DNM1: variants seen among roughly 807,000 people sequenced by gnomAD.
DNM1 encodes dynamin-1.
DNM1 carries 29 observed loss-of-function variants against 104.6 expected under a neutral mutation model. That is an observed-to-expected ratio of 0.28 (90% CI 0.21 to 0.38). The LOEUF is 0.38. Ranked by LOEUF, DNM1 falls within the 10% of genes least tolerant of loss-of-function variation. The probability of loss-of-function intolerance (pLI) is 1.00; values close to 1 mark genes in which losing one functional copy is unlikely to be tolerated. For missense variants in DNM1, 640 were observed against 1,189.4 expected, an observed-to-expected ratio of 0.54 and a Z score of 6.79; for synonymous variants, 445 against 475.8, an observed-to-expected ratio of 0.94 and a Z score of 0.84.
At chr9:128,210,433 C>T (rs1487651930) in intron 1 of DNM1, among the ~76,000 whole-genome samples, 2 of 151,778 alleles carry the variant, frequency 1.3e-5, no homozygotes, top group Non-Finnish European at 2.9e-5. Context: ...ACAATCTCAG[C>T]TCACTGCAAC....
intron 1 of DNM1, among the ~76,000 whole-genome samples, chr9:128,205,179 C>T (rs1833854049): frequency 6.6e-6 from 1 of 152,310 alleles, no homozygotes; most frequent in East Asian, 1.9e-4. Context: ...AGACACACCA[C>T]GGGCCCCTTC....
rs1378049101 is a variant in DNM1 at position 128,254,625 on chromosome 9, T to C, written c.2535-29T>C. 2 of 1,595,310 alleles carry C rather than the reference T, an allele frequency of 1.3e-6. No homozygotes were observed. The highest frequency in any genetic ancestry group is 1.7e-6 in the Non-Finnish European group (2 of 1,179,180). On this transcript the variant is annotated intron_variant, in intron 21 of 21. Coordinates refer to ENST00000372923, the MANE Select transcript of DNM1 (RefSeq NM_004408.4). This position sits in a 1 kb window ranked among gnomAD's most constrained non-coding sequence, Gnocchi z 6.1. The stretch of plus-strand genomic sequence containing the variant: ...CTCTCTCCTCGCTTTTCTCTCCCGT[T>C]TTCTCTCTGCTTTCTCTCCAACTGC...
rs1392559715 is a variant in DNM1 at position 128,250,233 on chromosome 9, A to G, written c.2195A>G (p.Tyr732Cys). The G allele has an allele frequency of 6.2e-7, 1 of 1,614,134 alleles. No homozygotes were observed. The highest frequency in any genetic ancestry group is 8.5e-7 in the Non-Finnish European group (1 of 1,180,022). Reference sequence around the variant, plus strand: ...CGGCGCGACGAGATGCTGCGCATGTACCACGCACTGAAGGAGGCGCTCAGC... The same window carrying G: ...CGGCGCGACGAGATGCTGCGCATGTGCCACGCACTGAAGGAGGCGCTCAGC... Reference protein sequence around the residue: ...AQRRDEMLRMYHALKEALSII... With the variant: ...AQRRDEMLRMCHALKEALSII... The change falls in exon 20 of 22, where the codon TAC becomes TGC. Residue 732 changes from tyrosine (Y) to cysteine (C), a missense_variant. Around this residue, in one of 7 missense-constraint regions of DNM1, gnomAD observed 129 missense variants for 224.6 expected, o/e 0.57. Coordinates refer to ENST00000372923, the MANE Select transcript of DNM1 (RefSeq NM_004408.4).
intron 1 of DNM1, among the ~76,000 whole-genome samples, chr9:128,211,490 T>TA (rs1834296264): frequency 6.8e-6 from 1 of 147,104 alleles, no homozygotes; most frequent in African/African-American, 2.5e-5. Context: ...TTTTTTTTTT[T>TA]TTTTTTTTCT....
In DNM1 at chr9:128,239,459, C is replaced by T. The variant is rs141788807; in HGVS notation, c.1437C>T (p.Ile479=). Residue 479 remains isoleucine, a synonymous_variant, in exon 12 of 22, where the codon ATC becomes ATT. Transcript: ENST00000372923. ...TATCCTTGAAGGTCATGCTTCTCATCGATATCGAGCTGGCTTACATGAACA... is the reference window on the plus strand; with the variant it reads ...TATCCTTGAAGGTCATGCTTCTCATTGATATCGAGCTGGCTTACATGAACA... ...GRTKEQVMLL[I]DIELAYMNTN... is the part of the protein sequence containing the mutation. The T allele has an allele frequency of 6.8e-5, 110 of 1,613,844 alleles. 1 individual carries two copies. In the African/African-American group the frequency reaches 1.3e-3, roughly 20 times the overall value.
At position 128,220,993 on chromosome 9, in the gene DNM1, C is replaced by CCCTTCCTTCCTTCCTTCCTTCCTT. The variant is rs148599259; in HGVS notation, c.849+653_849+676dup. ...TTTCTTTCTCTTTCTTTCTTTCTTT[C>CCCTTCCTTCCTTCCTTCCTTCCTT]CCTTCCTTCCTTCCTTCCTTCCTTT... On this transcript the variant is annotated intron_variant, in intron 6 of 21. Coordinates refer to ENST00000372923, the MANE Select transcript of DNM1 (RefSeq NM_004408.4). The surrounding 1 kb of genome is among the most constrained non-coding windows in gnomAD (Gnocchi z 5.2). 1.2e-3 allele frequency: 150 copies of CCCTTCCTTCCTTCCTTCCTTCCTT among 126,072 alleles called. 1 individual carries two copies. The highest frequency in any genetic ancestry group is 4.8e-3 in the African/African-American group (146 of 30,292). 7.8% of individuals were successfully genotyped at this position (126,072 alleles called of 1,614,324 possible). A position where few individuals can be genotyped will look rare whatever the true frequency, so the allele number is the denominator to read the frequency against.
At position 128,224,380 on chromosome 9, in the gene DNM1, C is replaced by T; in HGVS notation, c.1326C>T (p.Cys442=). The change falls in exon 10 of 22, where the codon TGC becomes TGT. Residue 442 remains cysteine, a synonymous_variant. Transcript: ENST00000372923. This position sits in a 1 kb window ranked among gnomAD's most constrained non-coding sequence, Gnocchi z 4.3. ...AGCTAATCAGCACCGTTAGACAGTG[C>T]ACCAAGAAGGTAACCCGGAGGCCCG... is the stretch of plus-strand genomic sequence containing the variant. ...ISELISTVRQ[C]TKKLQQYPRL... The T allele has an allele frequency of 6.2e-7, 1 of 1,609,850 alleles. No homozygotes were observed. The highest frequency in any genetic ancestry group is 1.3e-5 in the African/African-American group (1 of 74,996).
chr9:128,233,768 G>C, intron 10 of DNM1: 2 of 553,628 alleles, frequency 3.6e-6, no homozygotes, highest in Non-Finnish European at 6.4e-6. Flanking sequence ...AAGTTGCCCA[G>C]GTAGGCCAGT....
At chr9:128,239,697 G>T in intron 12 of DNM1, 31 bp from the exon 13 acceptor site, 1 of 1,605,326 alleles carries the variant, frequency 6.2e-7, no homozygotes, top group Non-Finnish European at 8.5e-7. Flanking sequence ...CTCTTGAGAA[G>T]TTCTGAGACT....
At position 128,235,100 on chromosome 9, in the gene DNM1, A is replaced by G. The variant is rs1464827260; in HGVS notation, c.1422+993A>G. ...GAGCCACCGTGCCTGGCCTGTCTCT[A>G]TGAATTTGACTTTTCTAGGGACCTC... On this transcript the variant is annotated intron_variant, in intron 11 of 21. Coordinates refer to ENST00000372923, the MANE Select transcript of DNM1 (RefSeq NM_004408.4). Among the ~76,000 whole-genome samples the G allele has an allele frequency of 3.3e-5, 5 of 152,120 alleles. 1 individual carries two copies. The Middle Eastern group carries it at 0.014, about 414-fold the overall frequency.
At chr9:128,249,348 C>T (rs919851317) in intron 19 of DNM1, among the ~76,000 whole-genome samples, 6 of 151,320 alleles carry the variant, frequency 4.0e-5, no homozygotes, top group Admixed American at 1.3e-4. Context: ...TGTCTCTACA[C>T]AAAAATTTTA....
rs181270045 is a variant in DNM1, at chr9:128,243,252, T to C, written c.1671+907T>C. Among the ~76,000 whole-genome samples the C allele has an allele frequency of 6.6e-6, 1 of 152,154 alleles. No individual in the cohort carries two copies. The highest frequency in any genetic ancestry group is 1.5e-5 in the Non-Finnish European group (1 of 67,986). On this transcript the variant is annotated intron_variant, in intron 15 of 21. Transcript: ENST00000372923. This position sits in a 1 kb window ranked among gnomAD's most constrained non-coding sequence, Gnocchi z 4.0. ...AGAATGAGTCTATTTGGCTTTCACA[T>C]CTGGATTCCAGAGGTGACCAGAGAG...
Position 128,243,317 on chromosome 9 carries a change from CAGCT to C in DNM1, c.1671+973_1671+976del. 6.6e-6 allele frequency among the ~76,000 whole-genome samples: 1 copy of C among 152,080 alleles called. No individual in the cohort carries two copies. Among genetic ancestry groups the C allele is most frequent in the South Asian group, 2.1e-4 (1 of 4,836 alleles). ...GGGGTGGGCTTGTGGTAATGAACTC[CAGCT>C]GGCCAAGGAGTGGGGGAAGGGACCC... On this transcript the variant is annotated intron_variant, in intron 15 of 21. Transcript: ENST00000372923. This position sits in a 1 kb window ranked among gnomAD's most constrained non-coding sequence, Gnocchi z 4.0.
rs529339788 is a variant in DNM1, at chr9:128,245,078, C to G, written c.1672-1316C>G. The G allele has an allele frequency of 3.9e-6, 1 of 257,700 alleles. No homozygotes were observed. Among genetic ancestry groups the G allele is most frequent in the Non-Finnish European group, 8.1e-6 (1 of 123,974 alleles). The allele number at this position is 257,700 out of a possible 1,614,324, so 16.0% of individuals were successfully genotyped here. A position where few individuals can be genotyped will look rare whatever the true frequency, so the allele number is the denominator to read the frequency against. Reference sequence around the variant, plus strand: ...GAAGGGAGGGGTGGGGGGAGGAGGCCGCTCCTACCTAGTGTCCAACCCCGA... The same window carrying G: ...GAAGGGAGGGGTGGGGGGAGGAGGCGGCTCCTACCTAGTGTCCAACCCCGA... On this transcript the variant is annotated intron_variant, in intron 15 of 21. Coordinates refer to ENST00000372923, the MANE Select transcript of DNM1 (RefSeq NM_004408.4). The surrounding 1 kb of genome is among the most constrained non-coding windows in gnomAD (Gnocchi z 5.2).
rs180723522 is a variant in DNM1 at position 128,220,453 on chromosome 9, C to G, written c.849+112C>G. On this transcript the variant is annotated intron_variant, in intron 6 of 21. Transcript: ENST00000372923. This position sits in a 1 kb window ranked among gnomAD's most constrained non-coding sequence, Gnocchi z 5.2. The stretch of plus-strand genomic sequence containing the variant: ...TTAGCCTCTCCGTAGTGCAGATAGA[C>G]AAACTGAGCCTCAGAAAAGCAAAGC... The G allele has an allele frequency of 4.4e-5, 60 of 1,358,034 alleles. No homozygotes were observed. In the East Asian group the frequency reaches 1.4e-3, roughly 32 times the overall value. 84.1% of individuals were successfully genotyped at this position (1,358,034 alleles called of 1,614,324 possible). A position where few individuals can be genotyped will look rare whatever the true frequency, so the allele number is the denominator to read the frequency against.
intron 11 of DNM1, among the ~76,000 whole-genome samples, chr9:128,239,099 T>C (rs1836198730): frequency 6.6e-6 from 1 of 150,600 alleles, no homozygotes; most frequent in African/African-American, 2.4e-5. Flanking sequence ...CTGGGCTCAA[T>C]CAATCCTCCC....
Position 128,223,158 on chromosome 9 carries a change from C to T in DNM1, c.1196+298C>T, listed in dbSNP as rs887303361. 2.1e-5 allele frequency: 9 copies of T among 419,690 alleles called. No individual in the cohort carries two copies. The Admixed American group carries it at 3.2e-4, about 15-fold the overall frequency. 26.0% of individuals were successfully genotyped at this position (419,690 alleles called of 1,614,324 possible). On this transcript the variant is annotated intron_variant, in intron 9 of 21. Transcript: ENST00000372923. ...CCAGGGTGAGATAGCTCCCCCAGTG[C>T]CACCCAGGTAACCGGACAAAGATGT...
intron 15 of DNM1, among the ~76,000 whole-genome samples, 180 bp from the exon 16 acceptor site, chr9:128,246,214 G>A (rs913138401): frequency 3.3e-5 from 5 of 152,144 alleles, no homozygotes; most frequent in East Asian, 1.9e-4. Flanking sequence ...CTGGCTCTGC[G>A]GGGGTCGGCG....
At chr9:128,250,483 TAGAG>T in intron 20 of DNM1, 127 bp downstream of exon 20, 1 of 1,137,690 alleles carries the variant, frequency 8.8e-7, no homozygotes, top group Non-Finnish European at 1.2e-6. Context: ...GGGCGGAGCT[TAGAG>T]AGGGCGGGGC....
Sources: gnomAD v4.1 joint callset for allele counts (sites outside exome capture counted in the v4.1 genomes callset) on GRCh38, gnomAD v4.1.1 for gene constraint, gnomAD v4.1.1 regional missense constraint, Gnocchi (gnomAD v3.1) non-coding constraint, MANE v1.5 for transcripts, NCBI Gene and HGNC (gene_info 2026-07-23, HGNC 2026-07-21) for gene names.